INSR: variants seen among roughly 807,000 people sequenced by gnomAD.
The protein encoded by INSR is IR.
A neutral mutation model predicts 142.6 loss-of-function variants in INSR; 67 were observed. That is an observed-to-expected ratio of 0.47 (90% CI 0.39 to 0.58). The LOEUF (loss-of-function observed/expected upper bound fraction) is 0.58. Among genes scored for constraint, INSR ranks in the 20% least tolerant of loss-of-function variants. The pLI, the probability that INSR is intolerant of heterozygous loss-of-function variation, is 0.00. For synonymous variants in INSR, 756 were observed against 743.1 expected (o/e 1.02, Z -0.28); for missense variants, 1,248 against 1,833.2 (o/e 0.68, Z 5.83).
chr19:7,215,402 C>T (rs1259040274), intron 2 of INSR, among the ~76,000 whole-genome samples: 1 of 152,022 alleles, frequency 6.6e-6, no homozygotes, highest in East Asian at 1.9e-4. Context: ...TCCAGCAGAG[C>T]AGACAGCCGT....
chr19:7,215,410 C>T (rs565577422), intron 2 of INSR, among the ~76,000 whole-genome samples: 29 of 152,058 alleles, frequency 1.9e-4, no homozygotes, highest in Non-Finnish European at 3.8e-4. Flanking sequence ...AGCAGACAGC[C>T]GTCCCCACCA....
chr19:7,226,512 G>GC (rs1975788876), intron 2 of INSR, among the ~76,000 whole-genome samples: 1 of 151,328 alleles, frequency 6.6e-6, no homozygotes, highest in East Asian at 1.9e-4. Flanking sequence ...AGTTGCTTGA[G>GC]CCTGAGAGGT....
rs140165301 is a variant in INSR at position 7,162,655 on chromosome 19, T to C, written c.2029+377A>G. The stretch of plus-strand genomic sequence containing the variant: ...GACCAACATGGAGAAACCCCGTCCC[T>C]ACTAAAAATACCAAATTAGCCGGGC... On this transcript the variant is annotated intron_variant, in intron 9 of 21. Transcript: ENST00000302850. Among the ~76,000 whole-genome samples the C allele has an allele frequency of 6.6e-3, 998 of 151,040 alleles. 5 individuals carry two copies. Among genetic ancestry groups the C allele is most frequent in the Middle Eastern group, 0.062 (18 of 292 alleles).
chr19:7,172,165 G>C, intron 5 of INSR, 125 bp downstream of exon 5: 1 of 969,296 alleles, frequency 1.0e-6, no homozygotes, highest in South Asian at 1.3e-5. Flanking sequence ...ACCCACGTTG[G>C]CCTCCTAAAA....
intron 1 of INSR, among the ~76,000 whole-genome samples, chr19:7,290,887 C>T (rs533407766): frequency 4.6e-5 from 7 of 151,534 alleles, no homozygotes; most frequent in African/African-American, 7.3e-5. Flanking sequence ...CTGGCTAACA[C>T]AGCAAAGCCC....
At chr19:7,124,541 GAAAAAAAAAAA>G (rs531613079) in intron 17 of INSR, among the ~76,000 whole-genome samples, 3 of 9,924 alleles carry the variant, frequency 3.0e-4, no homozygotes, top group African/African-American at 1.3e-3. Context: ...TCCGTTTCAG[GAAAAAAAAAAA>G]AAAAAAAAAA....
chr19:7,252,136 G>C (rs533239840), intron 2 of INSR, among the ~76,000 whole-genome samples: 37 of 152,042 alleles, frequency 2.4e-4, no homozygotes, highest in African/African-American at 8.0e-4. Context: ...TTGCCAGTGC[G>C]TAGTGGCGCA....
At chr19:7,244,373 A>C (rs1976463833) in intron 2 of INSR, among the ~76,000 whole-genome samples, 1 of 152,114 alleles carries the variant, frequency 6.6e-6, no homozygotes, top group African/African-American at 2.4e-5. Context: ...TCTCTACTAA[A>C]AATACAAAAA....
In INSR at chr19:7,114,219, C is replaced by T; in HGVS notation, c.*2837G>A. 1 of 152,274 alleles carries T rather than the reference C, an allele frequency of 6.6e-6. No individual in the cohort carries two copies. The allele number at this position is 152,274 out of a possible 1,614,324, so 9.4% of individuals were successfully genotyped here. On this transcript the variant is annotated 3_prime_UTR_variant, in exon 22 of 22. Transcript: ENST00000302850. The stretch of plus-strand genomic sequence containing the variant: ...GGAGTGGGCATAAACCATCAGGGAG[C>T]CCAGGGCACCTTTGTGCTCACTTCA...
chr19:7,150,453 C>G lies in INSR; in HGVS notation c.2267+44G>C, dbSNP rs367804877. ...AGGCATCTGCCTGGCACGCCGCCGGCCCTGCGCGGAGCAGGCACCAGGGGT... is the reference window on the plus strand; with the variant it reads ...AGGCATCTGCCTGGCACGCCGCCGGGCCTGCGCGGAGCAGGCACCAGGGGT... On this transcript the variant is annotated intron_variant, in intron 11 of 21. Coordinates refer to ENST00000302850, the MANE Select transcript of INSR (RefSeq NM_000208.4). The surrounding 1 kb of genome is among the most constrained non-coding windows in gnomAD (Gnocchi z 4.2). 6.2e-7 allele frequency: 1 copy of G among 1,600,736 alleles called. No individual in the cohort carries two copies. Among genetic ancestry groups the G allele is most frequent in the Non-Finnish European group, 8.6e-7 (1 of 1,168,366 alleles).
intron 2 of INSR, 142 bp from the exon 3 acceptor site, chr19:7,184,779 A>T: frequency 1.8e-6 from 1 of 547,670 alleles, no homozygotes; most frequent in Non-Finnish European, 2.8e-6. Flanking sequence ...AAACACTAAC[A>T]GTAAAAGCGG....
chr19:7,172,236 T>G, intron 5 of INSR, 54 bp downstream of exon 5: 2 of 1,604,362 alleles, frequency 1.2e-6, no homozygotes, highest in Non-Finnish European at 1.7e-6. Flanking sequence ...GTTGTTCTAA[T>G]ACACGAACTT....
intron 11 of INSR, among the ~76,000 whole-genome samples, chr19:7,149,014 C>G (rs1055022490): frequency 6.6e-6 from 1 of 152,070 alleles, no homozygotes; most frequent in Non-Finnish European, 1.5e-5. Flanking sequence ...AGGCTGGTCT[C>G]GAACTCCTGG....
At chr19:7,172,781 C>T (rs146914574) in intron 4 of INSR, among the ~76,000 whole-genome samples, 76 of 151,894 alleles carry the variant, frequency 5.0e-4, no homozygotes, top group African/African-American at 1.8e-3. Context: ...GCCTGTAATA[C>T]CAGCACCTTG....
chr19:7,193,766 C>T (rs1047192394), intron 2 of INSR, among the ~76,000 whole-genome samples: 4 of 151,766 alleles, frequency 2.6e-5, no homozygotes, highest in South Asian at 2.1e-4. Context: ...CTTGGTTCAC[C>T]GTAACCTCCG....
At chr19:7,123,237 C>T (rs893336129) in intron 17 of INSR, 11 of 472,182 alleles carry the variant, frequency 2.3e-5, no homozygotes, top group East Asian at 1.6e-4. Context: ...GGCGTGATCT[C>T]GGCTCACTGC....
chr19:7,264,374 C>A (rs1977159383), intron 2 of INSR, among the ~76,000 whole-genome samples: 1 of 152,108 alleles, frequency 6.6e-6, no homozygotes, highest in Admixed American at 6.6e-5. Context: ...AACAACTGAA[C>A]ACCCAGCAGG....
At chr19:7,196,893 C>A (rs1363706830) in intron 2 of INSR, among the ~76,000 whole-genome samples, 1 of 152,124 alleles carries the variant, frequency 6.6e-6, no homozygotes, top group Non-Finnish European at 1.5e-5. Context: ...CAGGGCCCCG[C>A]GGCTCTCCCT....
chr19:7,158,060 TTATTATTATTA>T (rs1568454014), intron 9 of INSR, among the ~76,000 whole-genome samples: 1 of 142,272 alleles, frequency 7.0e-6, no homozygotes. Context: ...ATTATTATTA[TTATTATTATTA>T]TTATTATTAT....
Sources: gnomAD v4.1 joint callset for allele counts (sites outside exome capture counted in the v4.1 genomes callset) on GRCh38, gnomAD v4.1.1 for gene constraint, Gnocchi (gnomAD v3.1) non-coding constraint, MANE v1.5 for transcripts, NCBI Gene and HGNC (gene_info 2026-07-23, HGNC 2026-07-21) for gene names.